The following TRIM9 variants were observed in gnomAD, a reference collection of about 807,000 sequenced individuals.
The protein encoded by TRIM9 is E3 ubiquitin-protein ligase TRIM9.
Under a neutral mutation model 78.3 loss-of-function variants are expected in TRIM9, and 26 were observed. That is an observed-to-expected ratio of 0.33 (90% confidence interval 0.24 to 0.46). The LOEUF (loss-of-function observed/expected upper bound fraction) is 0.46. Ranked by LOEUF, TRIM9 falls within the 20% of genes least tolerant of loss-of-function variation. TRIM9 has a pLI of 1.00. For missense variants in TRIM9, 787 were observed against 1,036.4 expected (o/e 0.76, Z 3.30); for synonymous variants, 398 against 416.5 (o/e 0.96, Z 0.54).
rs777841431 is a variant in TRIM9 at position 51,010,420 on chromosome 14, C to T, written c.1116G>A (p.Glu372=). ...QTTGLMEYCL[E]VIKENDPSGF... ...CACTAGGATCATTTTCCTTAATCAC[C>T]TCCAAGCAGTACTCCATGAGACCTG... The change falls in exon 4 of 13, where the codon GAG becomes GAA. Residue 372 remains glutamate, a synonymous_variant. Transcript: ENST00000684578. The T allele has an allele frequency of 2.5e-6, 4 of 1,613,896 alleles. No homozygotes were observed. The highest frequency in any genetic ancestry group is 2.7e-5 in the African/African-American group (2 of 74,874).
intron 12 of TRIM9, among the ~76,000 whole-genome samples, chr14:50,977,929 CA>C (rs1289894478): frequency 6.6e-6 from 1 of 151,996 alleles, no homozygotes; most frequent in African/African-American, 2.4e-5. Flanking sequence ...TTCTCCAGCC[CA>C]AGAGTCTTTA....
intron 5 of TRIM9, among the ~76,000 whole-genome samples, chr14:51,003,627 G>C (rs998671022): frequency 1.3e-5 from 2 of 151,348 alleles, no homozygotes; most frequent in East Asian, 3.9e-4. Context: ...GGTGGATACA[G>C]TTTAAAAGAC....
intron 12 of TRIM9, 106 bp from the exon 13 acceptor site, chr14:50,977,459 C>T (rs977846135): frequency 7.3e-5 from 60 of 818,090 alleles, no homozygotes; most frequent in Middle Eastern, 2.5e-4. Context: ...CTGTTTGCTT[C>T]GCTTTAAACA....
Position 50,976,790 on chromosome 14 carries a change from T to C in TRIM9, c.*501A>G. ...TGCAGAGCTAACGCTACAGGAGAGG[T>C]AAGAGGGTAAGAACATTCTAGCAGG... On this transcript the variant is annotated 3_prime_UTR_variant, in exon 13 of 13. Coordinates refer to ENST00000684578, the MANE Select transcript of TRIM9 (RefSeq NM_001387360.1). 6.6e-6 allele frequency: 1 copy of C among 152,492 alleles called. No homozygotes were observed. Among genetic ancestry groups the C allele is most frequent in the East Asian group, 1.9e-4 (1 of 5,186 alleles). The allele number at this position is 152,492 out of a possible 1,614,324, so 9.4% of individuals were successfully genotyped here. A position where few individuals can be genotyped will look rare whatever the true frequency, so the allele number is the denominator to read the frequency against.
intron 1 of TRIM9, among the ~76,000 whole-genome samples, chr14:51,042,877 T>C (rs986829499): frequency 6.6e-6 from 1 of 152,168 alleles, no homozygotes; most frequent in Non-Finnish European, 1.5e-5. Context: ...AAACACAACC[T>C]CCCCTGCCTC....
chr14:51,078,132 A>G (rs1325178830), intron 1 of TRIM9, among the ~76,000 whole-genome samples: 4 of 152,188 alleles, frequency 2.6e-5, no homozygotes, highest in African/African-American at 4.8e-5. Flanking sequence ...CACTCAGCCT[A>G]TGTCAGGCCT....
intron 1 of TRIM9, among the ~76,000 whole-genome samples, chr14:51,054,185 C>T (rs2060693573): frequency 6.6e-6 from 1 of 152,204 alleles, no homozygotes; most frequent in Non-Finnish European, 1.5e-5. Context: ...CCTCAGTCTC[C>T]CCAGCAGCTC....
At chr14:50,979,692 A>G (rs2051574821) in intron 11 of TRIM9, 143 bp from the exon 12 acceptor site, 1 of 702,418 alleles carries the variant, frequency 1.4e-6, no homozygotes, top group East Asian at 2.5e-5. Flanking sequence ...TCCCTTGCAC[A>G]TAAATTTTAA....
chr14:51,049,058 A>T (rs1301338220), intron 1 of TRIM9, among the ~76,000 whole-genome samples: 3 of 151,066 alleles, frequency 2.0e-5, no homozygotes, highest in African/African-American at 7.3e-5. Context: ...AAGCACCGTT[A>T]TGTGGTTTTC....
intron 1 of TRIM9, among the ~76,000 whole-genome samples, chr14:51,079,257 C>T (rs1249410900): frequency 2.6e-5 from 4 of 152,186 alleles, no homozygotes; most frequent in African/African-American, 9.7e-5. Flanking sequence ...TTTGGCTCCA[C>T]TCAGAAGAGA....
At chr14:51,005,400 CTG>C (rs1174372112) in intron 5 of TRIM9, among the ~76,000 whole-genome samples, 1 of 152,194 alleles carries the variant, frequency 6.6e-6, no homozygotes, top group African/African-American at 2.4e-5. Flanking sequence ...GCTTGGTGAA[CTG>C]TTAGGTCATT....
chr14:51,072,393 A>G (rs2062367253), intron 1 of TRIM9, among the ~76,000 whole-genome samples: 4 of 152,180 alleles, frequency 2.6e-5, no homozygotes, highest in South Asian at 4.1e-4. Context: ...ACTTTCTTGC[A>G]TAGAATCAGT....
intron 1 of TRIM9, among the ~76,000 whole-genome samples, chr14:51,057,541 T>C (rs930354164): frequency 2.6e-5 from 4 of 152,234 alleles, no homozygotes; most frequent in African/African-American, 9.6e-5. Flanking sequence ...AAATAATTTT[T>C]TGTCATTCAG....
At chr14:50,987,895 G>A (rs2052932643) in intron 7 of TRIM9, among the ~76,000 whole-genome samples, 1 of 152,144 alleles carries the variant, frequency 6.6e-6, no homozygotes, top group Non-Finnish European at 1.5e-5. Context: ...TTTGCTTCCT[G>A]GATCAAGTGA....
At chr14:51,007,374 T>C (rs1017527703) in intron 5 of TRIM9, among the ~76,000 whole-genome samples, 1 of 152,200 alleles carries the variant, frequency 6.6e-6, no homozygotes, top group Non-Finnish European at 1.5e-5. Flanking sequence ...ATTAAAAATA[T>C]TTTTTTAAAC....
intron 1 of TRIM9, among the ~76,000 whole-genome samples, chr14:51,039,059 G>T (rs2059383511): frequency 6.6e-6 from 1 of 152,188 alleles, no homozygotes; most frequent in South Asian, 2.1e-4. Flanking sequence ...TTAATCACAA[G>T]ATCTGAATTT....
chr14:51,047,365 T>C (rs752570101), intron 1 of TRIM9, among the ~76,000 whole-genome samples: 48 of 152,190 alleles, frequency 3.2e-4, no homozygotes, highest in Non-Finnish European at 4.4e-5. Flanking sequence ...CATTTCATCA[T>C]GGCTGTTTCC....
intron 1 of TRIM9, among the ~76,000 whole-genome samples, chr14:51,052,429 A>AT (rs1378125057): frequency 6.6e-6 from 1 of 152,176 alleles, no homozygotes; most frequent in East Asian, 1.9e-4. Flanking sequence ...TGGGAATTAA[A>AT]TTTGATTATC....
At chr14:51,087,598 T>C (rs78002526) in intron 1 of TRIM9, among the ~76,000 whole-genome samples, 1 of 152,202 alleles carries the variant, frequency 6.6e-6, no homozygotes, top group Non-Finnish European at 1.5e-5. Context: ...AGATGGTCTC[T>C]GATAGTGTAG....
Sources: gnomAD v4.1 joint callset for allele counts (sites outside exome capture counted in the v4.1 genomes callset) on GRCh38, gnomAD v4.1.1 for gene constraint, MANE v1.5 for transcripts, NCBI Gene and HGNC (gene_info 2026-07-23, HGNC 2026-07-21) for gene names.